The following MAPKAP1 variants were observed in gnomAD, a reference collection of about 807,000 sequenced individuals.
MAPKAP1 encodes MAPK associated protein 1.
Under a neutral mutation model 65.7 loss-of-function variants are expected in MAPKAP1, and 20 were observed. That is an observed-to-expected ratio of 0.30 (90% CI 0.21 to 0.44). The LOEUF is 0.44. Among genes scored for constraint, MAPKAP1 ranks in the 20% least tolerant of loss-of-function variants. The pLI is 1.00. For synonymous variants in MAPKAP1, 222 were observed against 244.3 expected, an observed-to-expected ratio of 0.91 and a Z score of 0.85; for missense variants, 423 against 648.0, an observed-to-expected ratio of 0.65 and a Z score of 3.77.
At chr9:125,507,940 C>A (rs1024839645) in intron 7 of MAPKAP1, among the ~76,000 whole-genome samples, 1 of 152,042 alleles carries the variant, frequency 6.6e-6, no homozygotes, top group East Asian at 1.9e-4. Context: ...CCCAGCACTT[C>A]GGGGGGACCA....
At chr9:125,627,784 T>C (rs1833157130) in intron 4 of MAPKAP1, among the ~76,000 whole-genome samples, 2 of 152,124 alleles carry the variant, frequency 1.3e-5, no homozygotes, top group African/African-American at 4.8e-5. Context: ...TCTTGTGGGA[T>C]ATGTGGGAAC....
At chr9:125,682,562 G>A (rs751441165) in intron 1 of MAPKAP1, among the ~76,000 whole-genome samples, 4 of 152,242 alleles carry the variant, frequency 2.6e-5, no homozygotes, top group Non-Finnish European at 5.9e-5. Context: ...CTGCCAGTTC[G>A]GTATAATGTG....
At chr9:125,617,624 A>G (rs1036304207) in intron 4 of MAPKAP1, among the ~76,000 whole-genome samples, 6 of 152,226 alleles carry the variant, frequency 3.9e-5, no homozygotes, top group Non-Finnish European at 8.8e-5. Flanking sequence ...TACAATGAAA[A>G]TGAATTAACT....
intron 5 of MAPKAP1, among the ~76,000 whole-genome samples, chr9:125,560,340 C>A (rs796106921): frequency 6.6e-6 from 1 of 152,122 alleles, no homozygotes; most frequent in African/African-American, 2.4e-5. Flanking sequence ...AATCCCAGCA[C>A]TTTGGGAGGC....
intron 10 of MAPKAP1, among the ~76,000 whole-genome samples, chr9:125,466,288 CCT>C (rs1464610991): frequency 6.6e-6 from 1 of 152,140 alleles, no homozygotes; most frequent in Non-Finnish European, 1.5e-5. Context: ...ACCCCGTACC[CCT>C]GAGGTCTCTC....
intron 5 of MAPKAP1, among the ~76,000 whole-genome samples, chr9:125,577,812 G>T (rs918788017): frequency 1.0e-4 from 15 of 149,358 alleles, no homozygotes; most frequent in Non-Finnish European, 2.2e-4. Flanking sequence ...GGAGGATGGG[G>T]GGTCAGCCCC....
At chr9:125,661,699 G>C (rs1834191039) in intron 3 of MAPKAP1, among the ~76,000 whole-genome samples, 1 of 152,168 alleles carries the variant, frequency 6.6e-6, no homozygotes, top group South Asian at 2.1e-4. Context: ...AGTGAAGCTA[G>C]ATTTCTCTGA....
At chr9:125,478,864 C>T (rs1854202580) in intron 9 of MAPKAP1, among the ~76,000 whole-genome samples, 1 of 152,158 alleles carries the variant, frequency 6.6e-6, no homozygotes, top group Admixed American at 6.5e-5. Flanking sequence ...GAAGTGGGAA[C>T]AACAATATCA....
intron 9 of MAPKAP1, among the ~76,000 whole-genome samples, chr9:125,475,150 A>G (rs1854057158): frequency 6.6e-6 from 1 of 152,200 alleles, no homozygotes; most frequent in Non-Finnish European, 1.5e-5. Context: ...GGGCTGGGAC[A>G]TGACTTGTCT....
chr9:125,503,181 A>T (rs1200431161), intron 8 of MAPKAP1, among the ~76,000 whole-genome samples: 1 of 152,292 alleles, frequency 6.6e-6, no homozygotes, highest in Middle Eastern at 3.4e-3. Context: ...AGATGACAAC[A>T]ACTACTACTA....
intron 4 of MAPKAP1, among the ~76,000 whole-genome samples, chr9:125,589,095 CT>C: frequency 6.6e-6 from 1 of 152,274 alleles, no homozygotes; most frequent in East Asian, 1.9e-4. Flanking sequence ...TCTCTCTATG[CT>C]TCTGTTTCCT....
chr9:125,534,508 A>C (rs1431360532), intron 7 of MAPKAP1, among the ~76,000 whole-genome samples: 2 of 152,316 alleles, frequency 1.3e-5, no homozygotes, highest in East Asian at 3.9e-4. Flanking sequence ...CCATTTCCCG[A>C]TGAGTAGCTT....
chr9:125,465,465 G>C (rs1432351336), intron 10 of MAPKAP1, among the ~76,000 whole-genome samples: 3 of 152,212 alleles, frequency 2.0e-5, no homozygotes, highest in African/African-American at 4.8e-5. Flanking sequence ...GAACTTGCTA[G>C]ATTGAGTCAC....
In MAPKAP1 at chr9:125,531,835, A is replaced by G. The variant is rs114557165; in HGVS notation, c.958+11224T>C. Reference sequence around the variant, plus strand: ...CAAATCAAGGAGGAGACATTACTACATTCACTCTGAACTACTTCAGCATAC... The same window carrying G: ...CAAATCAAGGAGGAGACATTACTACGTTCACTCTGAACTACTTCAGCATAC... On this transcript the variant is annotated intron_variant, in intron 7 of 11. Coordinates refer to ENST00000265960, the MANE Select transcript of MAPKAP1 (RefSeq NM_001006617.3). 5.1e-3 allele frequency among the ~76,000 whole-genome samples: 774 copies of G among 152,308 alleles called. 5 individuals carry two copies. Among genetic ancestry groups the G allele is most frequent in the African/African-American group, 0.018 (729 of 41,550 alleles).
At chr9:125,453,457 G>A (rs1271340971) in intron 10 of MAPKAP1, among the ~76,000 whole-genome samples, 2 of 152,234 alleles carry the variant, frequency 1.3e-5, no homozygotes, top group Admixed American at 6.5e-5. Flanking sequence ...CTGTGATATA[G>A]TTTTGGTTAA....
In MAPKAP1 at chr9:125,634,464, T is replaced by G. The variant is rs142639681; in HGVS notation, c.498+23187A>C. On this transcript the variant is annotated intron_variant, in intron 4 of 11. Transcript: ENST00000265960. ...GAAAAGAGGTGAACGTGTAATAAAT[T>G]TAGCAATAACAGCAATTCTTGTCAT... 5.5e-3 allele frequency among the ~76,000 whole-genome samples: 844 copies of G among 152,282 alleles called. 5 individuals carry two copies. Among genetic ancestry groups the G allele is most frequent in the Non-Finnish European group, 0.01 (689 of 68,024 alleles).
intron 4 of MAPKAP1, among the ~76,000 whole-genome samples, chr9:125,653,733 G>A (rs1833955755): frequency 6.6e-6 from 1 of 152,198 alleles, no homozygotes; most frequent in Non-Finnish European, 1.5e-5. Context: ...CTACAGAATA[G>A]GTTGCTTTAT....
At chr9:125,683,899 A>T (rs1172632912) in intron 1 of MAPKAP1, among the ~76,000 whole-genome samples, 1 of 152,188 alleles carries the variant, frequency 6.6e-6, no homozygotes, top group Admixed American at 6.5e-5. Flanking sequence ...CCATCTTGCA[A>T]CTTCCAGGAC....
At chr9:125,455,031 A>G (rs1853113342) in intron 10 of MAPKAP1, among the ~76,000 whole-genome samples, 1 of 151,702 alleles carries the variant, frequency 6.6e-6, no homozygotes. Context: ...TATTTTAATA[A>G]TAATTAAAAA....
Sources: gnomAD v4.1 joint callset for allele counts (sites outside exome capture counted in the v4.1 genomes callset) on GRCh38, gnomAD v4.1.1 for gene constraint, MANE v1.5 for transcripts, NCBI Gene and HGNC (gene_info 2026-07-23, HGNC 2026-07-21) for gene names.